The following ADGRB3 variants were observed in gnomAD, a reference collection of about 807,000 sequenced individuals.
The protein encoded by ADGRB3 is adhesion G protein-coupled receptor B3.
Under a neutral mutation model 193.4 loss-of-function variants are expected in ADGRB3, and 37 were observed. The ratio of observed to expected loss-of-function variants is 0.19; its 90% CI spans 0.15 to 0.25. The LOEUF is 0.25. Among genes scored for constraint, ADGRB3 ranks in the 10% least tolerant of loss-of-function variants. The pLI is 1.00. For missense variants in ADGRB3, 1,637 were observed against 1,852.9 expected, an observed-to-expected ratio of 0.88 and a Z score of 2.14; for synonymous variants, 690 against 644.2, an observed-to-expected ratio of 1.07 and a Z score of -1.08.
chr6:68,956,601 T>A, intron 7 of ADGRB3, 44 bp from the exon 8 acceptor site: 1 of 1,602,954 alleles, frequency 6.2e-7, no homozygotes, highest in Non-Finnish European at 8.5e-7. Flanking sequence ...TTTAAAGGAG[T>A]GTGTGGTAGA....
At chr6:68,962,654 C>T (rs559168648) in intron 8 of ADGRB3, among the ~76,000 whole-genome samples, 47 of 152,136 alleles carry the variant, frequency 3.1e-4, no homozygotes, top group African/African-American at 1.1e-3. Context: ...TTCTTTTCAT[C>T]CCTTATTGTT....
intron 17 of ADGRB3, among the ~76,000 whole-genome samples, chr6:69,113,311 A>G (rs1773428738): frequency 6.7e-6 from 1 of 148,800 alleles, no homozygotes; most frequent in African/African-American, 2.4e-5. Context: ...TATCACACAT[A>G]TATGTACCAT....
chr6:69,334,314 C>A (rs183057797), intron 24 of ADGRB3, among the ~76,000 whole-genome samples: 1 of 152,148 alleles, frequency 6.6e-6, no homozygotes, highest in East Asian at 1.9e-4. Flanking sequence ...GTTCTTATAA[C>A]CTATGTAATG....
At chr6:69,245,047 T>C (rs1377996008) in intron 20 of ADGRB3, among the ~76,000 whole-genome samples, 1 of 152,110 alleles carries the variant, frequency 6.6e-6, no homozygotes, top group Non-Finnish European at 1.5e-5. Context: ...CAAAATTTAA[T>C]GCCTTTTCTG....
chr6:68,894,763 C>T (rs1453588871), intron 3 of ADGRB3, among the ~76,000 whole-genome samples: 1 of 151,714 alleles, frequency 6.6e-6, no homozygotes. Context: ...TGCGGTGAGC[C>T]CAGTAATTTT....
chr6:69,063,268 A>G (rs1047715063), intron 16 of ADGRB3, among the ~76,000 whole-genome samples: 3 of 151,994 alleles, frequency 2.0e-5, no homozygotes, highest in Admixed American at 1.3e-4. Flanking sequence ...GAAACAAAGA[A>G]TGGTTATTCT....
intron 3 of ADGRB3, among the ~76,000 whole-genome samples, chr6:68,788,769 T>C (rs1346496490): frequency 6.6e-6 from 1 of 152,164 alleles, no homozygotes; most frequent in Non-Finnish European, 1.5e-5. Context: ...AAGTCTCCCA[T>C]TATTAATGTG....
intron 3 of ADGRB3, among the ~76,000 whole-genome samples, chr6:68,866,389 C>T (rs1765298887): frequency 6.6e-6 from 1 of 152,152 alleles, no homozygotes; most frequent in Admixed American, 6.5e-5. Flanking sequence ...GCCATGATTG[C>T]TAGTTTCCTG....
chr6:68,792,756 C>T lies in ADGRB3; in HGVS notation c.758-137803C>T, dbSNP rs535051588. On this transcript the variant is annotated intron_variant, in intron 3 of 31. Transcript: ENST00000370598. The stretch of plus-strand genomic sequence containing the variant: ...CTCTGTTGGGCAGAAACAAGGATAC[C>T]CTGGTGATACTTATTTTTTATCAAC... Among the ~76,000 whole-genome samples the T allele has an allele frequency of 1.2e-4, 19 of 152,148 alleles. No individual in the cohort carries two copies. In the South Asian group the frequency reaches 3.5e-3, roughly 28 times the overall value.
At chr6:69,031,944 TC>T (rs1205853204) in intron 13 of ADGRB3, among the ~76,000 whole-genome samples, 1 of 152,154 alleles carries the variant, frequency 6.6e-6, no homozygotes, top group African/African-American at 2.4e-5. Flanking sequence ...TTCTTTATTC[TC>T]TATGAAGAGC....
At chr6:69,287,124 T>C (rs916970960) in intron 20 of ADGRB3, among the ~76,000 whole-genome samples, 3 of 152,202 alleles carry the variant, frequency 2.0e-5, no homozygotes, top group Non-Finnish European at 4.4e-5. Context: ...GAAGACAGTT[T>C]GAAGGTCAGT....
rs187364253 is a variant in ADGRB3, at chr6:68,796,340, C to G, written c.758-134219C>G. Among the ~76,000 whole-genome samples, 8 of 152,042 alleles carry G rather than the reference C, an allele frequency of 5.3e-5. No individual in the cohort carries two copies. The East Asian group carries it at 1.5e-3, about 29-fold the overall frequency. On this transcript the variant is annotated intron_variant, in intron 3 of 31. Coordinates refer to ENST00000370598, the MANE Select transcript of ADGRB3 (RefSeq NM_001704.3). ...TTTCTCCAGTGGTTCTATTTTGAAGCCTTGTATTAATATATTATATGTCTA... is the reference window on the plus strand; with the variant it reads ...TTTCTCCAGTGGTTCTATTTTGAAGGCTTGTATTAATATATTATATGTCTA...
intron 17 of ADGRB3, among the ~76,000 whole-genome samples, chr6:69,078,187 G>A (rs1772287570): frequency 6.6e-6 from 1 of 151,836 alleles, no homozygotes; most frequent in Non-Finnish European, 1.5e-5. Flanking sequence ...TAGAAGTTGT[G>A]CTTTAATTTT....
At chr6:69,042,933 G>A (rs1443180681) in intron 13 of ADGRB3, among the ~76,000 whole-genome samples, 1 of 152,162 alleles carries the variant, frequency 6.6e-6, no homozygotes, top group Non-Finnish European at 1.5e-5. Context: ...TTTGTTTATG[G>A]TGATGAGGTG....
intron 3 of ADGRB3, among the ~76,000 whole-genome samples, chr6:68,716,269 G>A (rs1765487971): frequency 6.6e-6 from 1 of 151,692 alleles, no homozygotes; most frequent in African/African-American, 2.4e-5. Flanking sequence ...AGGTGTTCAT[G>A]TGTTCATTTT....
chr6:69,061,071 G>GA (rs201050958), intron 15 of ADGRB3, among the ~76,000 whole-genome samples: 15,238 of 140,526 alleles, frequency 0.11, 932 homozygotes, highest in Non-Finnish European at 0.15. Context: ...ATCATTTAAT[G>GA]AAAAAAAAAA....
chr6:69,060,247 TCTCC>T lies in ADGRB3; in HGVS notation c.2334-2686_2334-2683del, dbSNP rs137890621. Among the ~76,000 whole-genome samples, 654 of 150,990 alleles carry T rather than the reference TCTCC, an allele frequency of 4.3e-3. 3 individuals are homozygous for T. The highest frequency in any genetic ancestry group is 8.1e-3 in the Non-Finnish European group (546 of 67,618). On this transcript the variant is annotated intron_variant, in intron 15 of 31. Coordinates refer to ENST00000370598, the MANE Select transcript of ADGRB3 (RefSeq NM_001704.3). ...CTCTCTCTCTCTCTCTCTCTCTCTC[TCTCC>T]TCCTCTGTCTCTCCTTCTCTCTCAG...
At chr6:68,957,135 C>T (rs17399055) in intron 8 of ADGRB3, among the ~76,000 whole-genome samples, 15,833 of 152,256 alleles carry the variant, frequency 0.1, 1,071 homozygotes, top group Non-Finnish European at 0.15. Context: ...TTGCTAATTA[C>T]TCTGACCTTG....
In ADGRB3 at chr6:68,940,547, C is replaced by CTTTTTTTTTTTTTTTTTT; in HGVS notation, c.1031-3279_1031-3262dup. On this transcript the variant is annotated intron_variant, in intron 5 of 31. Coordinates refer to ENST00000370598, the MANE Select transcript of ADGRB3 (RefSeq NM_001704.3). ...CTGCAGGCTAAGGAATGCTTTTGAA[C>CTTTTTTTTTTTTTTTTTT]TTTTTTTTTTTTTTTTTTTTTGCTA... Among the ~76,000 whole-genome samples the CTTTTTTTTTTTTTTTTTT allele has an allele frequency of 7.2e-5, 5 of 69,214 alleles. 1 individual carries two copies. Among genetic ancestry groups the CTTTTTTTTTTTTTTTTTT allele is most frequent in the Non-Finnish European group, 1.3e-4 (5 of 38,648 alleles). The allele number at this position is 69,214 out of a possible 152,430, so 45.4% of individuals were successfully genotyped here.
Sources: allele counts gnomAD v4.1 joint callset (sites outside exome capture counted in the v4.1 genomes callset), GRCh38; gene constraint gnomAD v4.1.1; transcripts MANE v1.5; gene names NCBI Gene and HGNC (gene_info 2026-07-23, HGNC 2026-07-21).